The following GRIK2 variants were observed in gnomAD, a reference collection of about 807,000 sequenced individuals.
The protein encoded by GRIK2 is glutamate receptor ionotropic, kainate 2.
In GRIK2, 32 loss-of-function variants were observed where a neutral mutation model predicts 100.3. That is an observed-to-expected ratio of 0.32 (90% confidence interval 0.24 to 0.43). The LOEUF is 0.43. GRIK2 is among the 20% of genes least tolerant of loss of function. The pLI is 1.00. For synonymous variants in GRIK2, 417 were observed against 389.4 expected (o/e 1.07, Z -0.83); for missense variants, 843 against 1,114.9 (o/e 0.76, Z 3.47).
At chr6:101,804,589 C>A (rs528855840) in intron 9 of GRIK2, among the ~76,000 whole-genome samples, 81 of 151,844 alleles carry the variant, frequency 5.3e-4, no homozygotes, top group African/African-American at 1.9e-3. Flanking sequence ...AATGGAGGAG[C>A]CAGGTAGGAA....
chr6:101,467,509 A>C (rs1236712703), intron 2 of GRIK2, among the ~76,000 whole-genome samples: 1 of 152,206 alleles, frequency 6.6e-6, no homozygotes, highest in African/African-American at 2.4e-5. Flanking sequence ...ATGCACAATG[A>C]TTCAAATGCA....
At chr6:101,863,904 G>T (rs1337371090) in intron 11 of GRIK2, among the ~76,000 whole-genome samples, 1 of 151,904 alleles carries the variant, frequency 6.6e-6, no homozygotes, top group Non-Finnish European at 1.5e-5. Flanking sequence ...TTGGGAGGCC[G>T]AGGCGGGTGG....
chr6:101,516,984 T>C (rs1037514856), intron 2 of GRIK2, among the ~76,000 whole-genome samples: 1 of 152,142 alleles, frequency 6.6e-6, no homozygotes, highest in African/African-American at 2.4e-5. Flanking sequence ...TGGAGCAAAT[T>C]GGGCAAATTC....
At chr6:101,909,980 A>T (rs537622549) in intron 12 of GRIK2, among the ~76,000 whole-genome samples, 2 of 118,178 alleles carry the variant, frequency 1.7e-5, no homozygotes, top group Admixed American at 1.9e-4. Flanking sequence ...TTGAGAACAG[A>T]TAAACTGATA....
At chr6:101,996,092 A>G (rs1432853634) in intron 14 of GRIK2, among the ~76,000 whole-genome samples, 1 of 152,004 alleles carries the variant, frequency 6.6e-6, no homozygotes, top group Non-Finnish European at 1.5e-5. Context: ...GTGTTATTGA[A>G]GATTCTCCCA....
chr6:101,530,649 G>C (rs1775396380), intron 2 of GRIK2, among the ~76,000 whole-genome samples: 1 of 151,992 alleles, frequency 6.6e-6, no homozygotes, highest in African/African-American at 2.4e-5. Context: ...TGCAGTTTTT[G>C]AATGAGTAAT....
In GRIK2 at chr6:101,834,310, A is replaced by G. The variant is rs540338004; in HGVS notation, c.1317+15827A>G. 1.1e-3 allele frequency among the ~76,000 whole-genome samples: 164 copies of G among 152,162 alleles called. 3 individuals are homozygous for G. Among genetic ancestry groups the G allele is most frequent in the African/African-American group, 3.8e-3 (157 of 41,542 alleles). ...TTACTAAAAGACATGTTTACTGTTT[A>G]GCCATTTTCTTCCTTCCTACTTTGT... On this transcript the variant is annotated intron_variant, in intron 10 of 16. Coordinates refer to ENST00000369134, the MANE Select transcript of GRIK2 (RefSeq NM_021956.5).
chr6:102,009,662 C>G (rs970838625), intron 14 of GRIK2, among the ~76,000 whole-genome samples: 4 of 152,138 alleles, frequency 2.6e-5, no homozygotes, highest in Non-Finnish European at 5.9e-5. Context: ...GTTTCCTTAT[C>G]AAACTAATGA....
intron 4 of GRIK2, among the ~76,000 whole-genome samples, chr6:101,665,688 A>G (rs1376551916): frequency 2.0e-5 from 3 of 152,216 alleles, no homozygotes; most frequent in Admixed American, 6.5e-5. Context: ...GTTAGAATCC[A>G]TTTGAGAGAC....
chr6:101,805,909 G>C (rs902101261), intron 9 of GRIK2, among the ~76,000 whole-genome samples: 1 of 152,010 alleles, frequency 6.6e-6, no homozygotes, highest in Non-Finnish European at 1.5e-5. Flanking sequence ...AATGGGAAAA[G>C]GTGGGCCATG....
At chr6:101,784,937 T>C (rs749866773) in intron 7 of GRIK2, among the ~76,000 whole-genome samples, 1 of 152,216 alleles carries the variant, frequency 6.6e-6, no homozygotes, top group Non-Finnish European at 1.5e-5. Flanking sequence ...TAAGAGTTCC[T>C]TTTTCTCCAT....
At chr6:101,407,043 C>T (rs1775632717) in intron 2 of GRIK2, among the ~76,000 whole-genome samples, 1 of 152,084 alleles carries the variant, frequency 6.6e-6, no homozygotes, top group African/African-American at 2.4e-5. Flanking sequence ...ATTGTGCTAA[C>T]ATGATCAAAT....
chr6:102,041,703 G>A (rs1770585402), intron 15 of GRIK2, among the ~76,000 whole-genome samples: 1 of 151,394 alleles, frequency 6.6e-6, no homozygotes, highest in Non-Finnish European at 1.5e-5. Flanking sequence ...GATAAAGATT[G>A]AGCATATTAT....
At chr6:101,653,549 T>C (rs1293034004) in intron 4 of GRIK2, among the ~76,000 whole-genome samples, 1 of 152,212 alleles carries the variant, frequency 6.6e-6, no homozygotes, top group African/African-American at 2.4e-5. Flanking sequence ...TGAGTATTTT[T>C]CTACTCTTTC....
chr6:101,729,732 A>T (rs1421555298), intron 7 of GRIK2, among the ~76,000 whole-genome samples: 1 of 151,856 alleles, frequency 6.6e-6, no homozygotes, highest in Non-Finnish European at 1.5e-5. Flanking sequence ...TCTCATTCTC[A>T]TGCATAAAAG....
intron 12 of GRIK2, among the ~76,000 whole-genome samples, chr6:101,910,010 C>CTTATT (rs10684049): frequency 0.85 from 127,668 of 150,516 alleles, 54,268 homozygotes; most frequent in East Asian, 0.94. Context: ...TATAAAATCT[C>CTTATT]TAGTAATTGT....
At chr6:101,819,390 G>C (rs1020447289) in intron 10 of GRIK2, among the ~76,000 whole-genome samples, 3 of 152,268 alleles carry the variant, frequency 2.0e-5, no homozygotes, top group African/African-American at 7.2e-5. Flanking sequence ...AGCAACGAGG[G>C]ATGTCAGATC....
chr6:101,753,990 G>A (rs1006497407), intron 7 of GRIK2, among the ~76,000 whole-genome samples: 2 of 151,866 alleles, frequency 1.3e-5, no homozygotes, highest in African/African-American at 4.8e-5. Flanking sequence ...AATTTACATA[G>A]ATTTAGCTAT....
At chr6:101,435,487 C>T (rs1769663613) in intron 2 of GRIK2, among the ~76,000 whole-genome samples, 1 of 151,804 alleles carries the variant, frequency 6.6e-6, no homozygotes, top group Non-Finnish European at 1.5e-5. Flanking sequence ...CCAAATAAGC[C>T]ACTTTTCCAG....
Sources: allele counts gnomAD v4.1 joint callset (sites outside exome capture counted in the v4.1 genomes callset), GRCh38; gene constraint gnomAD v4.1.1; transcripts MANE v1.5; gene names NCBI Gene and HGNC (gene_info 2026-07-23, HGNC 2026-07-21).